KCNQ4: variants seen among roughly 807,000 people sequenced by gnomAD.
KCNQ4 encodes potassium voltage-gated channel subfamily Q member 4, also known as potassium voltage-gated channel subfamily KQT member 4.
KCNQ4 carries 31 observed loss-of-function variants against 72.6 expected under a neutral mutation model. The ratio of observed to expected loss-of-function variants is 0.43; its 90% CI spans 0.32 to 0.58. The LOEUF (loss-of-function observed/expected upper bound fraction) is 0.58. Ranked by LOEUF, KCNQ4 falls within the 20% of genes least tolerant of loss-of-function variation. The pLI is 0.08. For synonymous variants in KCNQ4, 405 were observed against 403.7 expected (o/e 1.00, Z -0.04); for missense variants, 869 against 962.6 (o/e 0.90, Z 1.29).
At position 40,822,397 on chromosome 1, in the gene KCNQ4, C is replaced by G. The variant is rs147168137; in HGVS notation, c.1125C>G (p.Ser375=). 305 of 908,650 alleles carry G rather than the reference C, an allele frequency of 3.4e-4. 2 individuals carry two copies. In the African/African-American group the frequency reaches 5.5e-3, roughly 16 times the overall value. 56.3% of individuals were successfully genotyped at this position (908,650 alleles called of 1,614,324 possible). The change falls in exon 8 of 14, where the codon TCC becomes TCG. Residue 375 remains serine, a synonymous_variant. Coordinates refer to ENST00000347132, the MANE Select transcript of KCNQ4 (RefSeq NM_004700.4). ...ACTACTATGACAGTATCCTCCCATCCTTCAGGTAGGTCCTGCTGGGGGTGG... is the reference window on the plus strand; with the variant it reads ...ACTACTATGACAGTATCCTCCCATCGTTCAGGTAGGTCCTGCTGGGGGTGG... ...TWYYYDSILP[S]FRELALLFEH...
At chr1:40,813,969 G>A (rs1338408076) in intron 1 of KCNQ4, among the ~76,000 whole-genome samples, 1 of 150,632 alleles carries the variant, frequency 6.6e-6, no homozygotes, top group East Asian at 1.9e-4. Flanking sequence ...GGATGGTCTC[G>A]ATCTCCTGAC....
rs1368754307 is a variant in KCNQ4 at position 40,784,398 on chromosome 1, A to T, written c.305A>T (p.His102Leu). ...CCCCGCGGCTGGGCCTTCGTCTACC[A>T]CGTCTTCATGTGAGTTTGCGACCCC... ...ERPRGWAFVY[H>L]VFIFLLVFSC... Residue 102 changes from histidine to leucine, a missense_variant, in exon 1 of 14, where the codon CAC becomes CTC. Around this residue, in one of 5 missense-constraint regions of KCNQ4, gnomAD observed 178 missense variants for 145.3 expected, o/e 1.22. Transcript: ENST00000347132. The surrounding 1 kb of genome is among the most constrained non-coding windows in gnomAD (Gnocchi z 4.1). 1.9e-6 allele frequency: 3 copies of T among 1,608,166 alleles called. No individual in the cohort carries two copies. The highest frequency in any genetic ancestry group is 2.5e-6 in the Non-Finnish European group (3 of 1,178,802).
chr1:40,801,509 A>T (rs1647573640), intron 1 of KCNQ4, among the ~76,000 whole-genome samples: 2 of 152,218 alleles, frequency 1.3e-5, no homozygotes, highest in South Asian at 4.1e-4. Flanking sequence ...ATTTATTGAG[A>T]ACCTACAATG....
intron 1 of KCNQ4, among the ~76,000 whole-genome samples, chr1:40,815,382 T>A (rs2148315411): frequency 6.6e-6 from 1 of 152,112 alleles, no homozygotes; most frequent in African/African-American, 2.4e-5. Flanking sequence ...CGGGGTAAAG[T>A]CTTAAAAAGT....
chr1:40,835,183 A>G (rs1039524362), intron 12 of KCNQ4, 85 bp downstream of exon 12: 2 of 1,526,266 alleles, frequency 1.3e-6, no homozygotes, highest in African/African-American at 2.7e-5. Flanking sequence ...ACCCCCGAGC[A>G]CCCCCAAGGG....
chr1:40,806,992 G>A (rs562391219), intron 1 of KCNQ4, among the ~76,000 whole-genome samples: 28 of 152,298 alleles, frequency 1.8e-4, no homozygotes, highest in African/African-American at 6.3e-4. Flanking sequence ...CAGTCTGGGC[G>A]CCACAAAGGG....
At chr1:40,823,364 G>T (rs958445296) in intron 8 of KCNQ4, among the ~76,000 whole-genome samples, 41 of 152,130 alleles carry the variant, frequency 2.7e-4, no homozygotes, top group African/African-American at 9.9e-4. Flanking sequence ...TTTGTTCAAG[G>T]CTGGGCATTC....
chr1:40,818,938 T>C, intron 4 of KCNQ4: 1 of 597,126 alleles, frequency 1.7e-6, no homozygotes, highest in Non-Finnish European at 3.1e-6. Flanking sequence ...GGGTTTCCCC[T>C]GGATGCTTCT....
At chr1:40,822,912 C>T (rs1399196621) in intron 8 of KCNQ4, among the ~76,000 whole-genome samples, 1 of 152,206 alleles carries the variant, frequency 6.6e-6, no homozygotes, top group Non-Finnish European at 1.5e-5. Flanking sequence ...GGGTCTGCCC[C>T]ACTGGCCCGG....
chr1:40,818,367 C>G, intron 3 of KCNQ4, 77 bp downstream of exon 3: 3 of 1,601,214 alleles, frequency 1.9e-6, no homozygotes, highest in African/African-American at 1.3e-5. Context: ...AATCCCGACT[C>G]TGACCCTGGA....
intron 7 of KCNQ4, among the ~76,000 whole-genome samples, chr1:40,821,331 G>C (rs1213917553): frequency 6.6e-6 from 1 of 152,204 alleles, no homozygotes; most frequent in Admixed American, 6.5e-5. Flanking sequence ...TGGCTGGTGA[G>C]GTCAGCAGTG....
At chr1:40,833,800 C>T (rs1032059487) in intron 11 of KCNQ4, among the ~76,000 whole-genome samples, 12 of 145,530 alleles carry the variant, frequency 8.2e-5, no homozygotes, top group African/African-American at 2.8e-4. Context: ...AGTTCGAGAC[C>T]AGCCTGGGCA....
intron 1 of KCNQ4, among the ~76,000 whole-genome samples, chr1:40,793,537 A>C (rs1647330698): frequency 1.3e-5 from 2 of 151,392 alleles, no homozygotes. Context: ...GCCTGCTGAC[A>C]CCTCTCCTCC....
chr1:40,787,783 C>G (rs1022141849), intron 1 of KCNQ4, among the ~76,000 whole-genome samples: 3 of 152,202 alleles, frequency 2.0e-5, no homozygotes, highest in Non-Finnish European at 4.4e-5. Flanking sequence ...CACCTCGTGG[C>G]CCATCCTGCT....
intron 4 of KCNQ4, among the ~76,000 whole-genome samples, 196 bp from the exon 5 acceptor site, chr1:40,819,151 G>C (rs1317872964): frequency 6.7e-6 from 1 of 148,638 alleles, no homozygotes. Context: ...GGTGGGAATG[G>C]GGGTCGGGGT....
Position 40,838,940 on chromosome 1 carries a change from C to T in KCNQ4, c.*417C>T, listed in dbSNP as rs1171635970. 10 of 277,678 alleles carry T rather than the reference C, an allele frequency of 3.6e-5. No homozygotes were observed. Among genetic ancestry groups the T allele is most frequent in the African/African-American group, 8.7e-5 (4 of 45,898 alleles). 17.2% of individuals were successfully genotyped at this position (277,678 alleles called of 1,614,324 possible). A position where few individuals can be genotyped will look rare whatever the true frequency, so the allele number is the denominator to read the frequency against. On this transcript the variant is annotated 3_prime_UTR_variant, in exon 14 of 14. Transcript: ENST00000347132. Reference sequence around the variant, plus strand: ...TTCGGACACAGCAGGGAAGCCCTCCCGCCAAGTCCCCGCCCCACTTGGGGG... The same window carrying T: ...TTCGGACACAGCAGGGAAGCCCTCCTGCCAAGTCCCCGCCCCACTTGGGGG...
chr1:40,837,500 A>G (rs1648838334), intron 12 of KCNQ4, among the ~76,000 whole-genome samples, 165 bp from the exon 13 acceptor site: 1 of 152,234 alleles, frequency 6.6e-6, no homozygotes, highest in African/African-American at 2.4e-5. Flanking sequence ...AGCAGGGGCC[A>G]GTCCCTCCAC....
In KCNQ4 at chr1:40,794,126, A is replaced by G. The variant is rs769062993; in HGVS notation, c.314+9719A>G. ...GTGGAGCACTGAGCTGTGGGTGTTCATGATTTTTATCCCGAGTGAGCTCCA... is the reference window on the plus strand; with the variant it reads ...GTGGAGCACTGAGCTGTGGGTGTTCGTGATTTTTATCCCGAGTGAGCTCCA... On this transcript the variant is annotated intron_variant, in intron 1 of 13. Transcript: ENST00000347132. The surrounding 1 kb of genome is among the most constrained non-coding windows in gnomAD (Gnocchi z 4.2). Among the ~76,000 whole-genome samples, 1 of 152,180 alleles carries G rather than the reference A, an allele frequency of 6.6e-6. No homozygotes were observed. The highest frequency in any genetic ancestry group is 2.4e-5 in the African/African-American group (1 of 41,444).
chr1:40,831,882 G>A (rs1271483105), intron 10 of KCNQ4, among the ~76,000 whole-genome samples: 1 of 152,156 alleles, frequency 6.6e-6, no homozygotes, highest in Non-Finnish European at 1.5e-5. Context: ...TTCTGTTTTT[G>A]TCCCCACTTT....
Sources: allele counts gnomAD v4.1 joint callset (sites outside exome capture counted in the v4.1 genomes callset), GRCh38; gene constraint gnomAD v4.1.1; regional missense constraint gnomAD v4.1.1; non-coding constraint Gnocchi (gnomAD v3.1); transcripts MANE v1.5; gene names NCBI Gene and HGNC (gene_info 2026-07-23, HGNC 2026-07-21).